The following RASA1 variants were observed in gnomAD, a reference collection of about 807,000 sequenced individuals.
RASA1 encodes the protein ras GTPase-activating protein 1.
A neutral mutation model predicts 132.2 loss-of-function variants in RASA1; 25 were observed. The ratio of observed to expected loss-of-function variants is 0.19; its 90% confidence interval spans 0.14 to 0.26. The LOEUF is 0.26. RASA1 is among the 10% of genes least tolerant of loss of function. The pLI is 1.00. For synonymous variants in RASA1, 477 were observed against 449.9 expected (o/e 1.06, Z -0.76); for missense variants, 964 against 1,299.2 (o/e 0.74, Z 3.97).
At position 87,385,288 on chromosome 5, in the gene RASA1, A is replaced by G. The variant is rs1761990605; in HGVS notation, c.2759-13A>G. 1.4e-5 allele frequency: 22 copies of G among 1,573,276 alleles called. No individual in the cohort carries two copies. Among genetic ancestry groups the G allele is most frequent in the Non-Finnish European group, 1.8e-5 (21 of 1,143,534 alleles). The stretch of plus-strand genomic sequence containing the variant: ...GGACTTGGTGTCATTAGCTGTGCCC[A>G]ATTCTGTTACAGATTCTCCATCTCC... On this transcript the variant is annotated splice_polypyrimidine_tract_variant and intron_variant, in intron 21 of 24. Coordinates refer to ENST00000274376, the MANE Select transcript of RASA1 (RefSeq NM_002890.3).
chr5:87,297,910 C>T (rs1318289706), intron 1 of RASA1, among the ~76,000 whole-genome samples: 1 of 152,068 alleles, frequency 6.6e-6, no homozygotes, highest in East Asian at 1.9e-4. Context: ...CACTGGTTCC[C>T]AAGGAAGTTT....
In RASA1 at chr5:87,391,656, A is replaced by T. The variant is rs1293713945; in HGVS notation, c.*773A>T. The T allele has an allele frequency of 4.3e-6, 1 of 233,050 alleles. No homozygotes were observed. Among genetic ancestry groups the T allele is most frequent in the African/African-American group, 2.2e-5 (1 of 45,292 alleles). The allele number at this position is 233,050 out of a possible 1,614,324, so 14.4% of individuals were successfully genotyped here. Reference sequence around the variant, plus strand: ...ATTGATCAATGCATGTTACCCATTCAACCATTTTATAGACTACCAATTTCT... The same window carrying T: ...ATTGATCAATGCATGTTACCCATTCTACCATTTTATAGACTACCAATTTCT... On this transcript the variant is annotated 3_prime_UTR_variant, in exon 25 of 25. Transcript: ENST00000274376.
At chr5:87,301,945 T>A (rs939800266) in intron 1 of RASA1, among the ~76,000 whole-genome samples, 10 of 152,168 alleles carry the variant, frequency 6.6e-5, no homozygotes, top group Non-Finnish European at 1.2e-4. Flanking sequence ...TTTCTACTAG[T>A]GATGGACATG....
intron 1 of RASA1, among the ~76,000 whole-genome samples, chr5:87,315,308 A>G (rs778463386): frequency 9.2e-5 from 14 of 152,222 alleles, no homozygotes; most frequent in Non-Finnish European, 1.9e-4. Context: ...TTCTAGCTAC[A>G]TAATAACAAA....
Position 87,268,254 on chromosome 5 carries a change from G to A in RASA1, c.-198G>A. ...GGGTTTTTTGCCCACTTGGCTTCCCGTAACCCAGGCAGCTGGGGAGCCTGG... is the reference window on the plus strand; with the variant it reads ...GGGTTTTTTGCCCACTTGGCTTCCCATAACCCAGGCAGCTGGGGAGCCTGG... On this transcript the variant is annotated 5_prime_UTR_variant, in exon 1 of 25. Coordinates refer to ENST00000274376, the MANE Select transcript of RASA1 (RefSeq NM_002890.3). 1.3e-6 allele frequency: 1 copy of A among 796,876 alleles called. No individual in the cohort carries two copies. The highest frequency in any genetic ancestry group is 1.9e-6 in the Non-Finnish European group (1 of 526,714). 49.4% of individuals were successfully genotyped at this position (796,876 alleles called of 1,614,324 possible).
At position 87,268,817 on chromosome 5, in the gene RASA1, G is replaced by C; in HGVS notation, c.366G>C (p.Ser122=). 3 of 1,614,106 alleles carry C rather than the reference G, an allele frequency of 1.9e-6. No homozygotes were observed. Among genetic ancestry groups the C allele is most frequent in the Non-Finnish European group, 2.5e-6 (3 of 1,180,032 alleles). ...GDMALTKLPT[S]LLAETLGPGG... ...TGGCTCTCACCAAACTGCCCACTTC[G>C]TTGCTTGCTGAGACTCTCGGGCCAG... is the stretch of plus-strand genomic sequence containing the variant. Residue 122 remains serine, a synonymous_variant, in exon 1 of 25, where the codon TCG becomes TCC. Coordinates refer to ENST00000274376, the MANE Select transcript of RASA1 (RefSeq NM_002890.3).
chr5:87,298,709 G>T (rs1755227810), intron 1 of RASA1, among the ~76,000 whole-genome samples: 1 of 152,064 alleles, frequency 6.6e-6, no homozygotes, highest in Non-Finnish European at 1.5e-5. Flanking sequence ...TTTTACCCTA[G>T]TGTATTTGAA....
At chr5:87,289,916 G>A (rs762889353) in intron 1 of RASA1, among the ~76,000 whole-genome samples, 9 of 151,810 alleles carry the variant, frequency 5.9e-5, no homozygotes, top group Non-Finnish European at 1.3e-4. Flanking sequence ...GCTTAATTTT[G>A]TTGTTGTTGT....
At chr5:87,354,323 T>C (rs375325239) in intron 9 of RASA1, among the ~76,000 whole-genome samples, 3 of 152,144 alleles carry the variant, frequency 2.0e-5, no homozygotes, top group African/African-American at 7.2e-5. Context: ...TGCGACTGTT[T>C]TTCCAAAGCA....
At chr5:87,330,374 G>C (rs1025563158) in intron 1 of RASA1, among the ~76,000 whole-genome samples, 1 of 151,990 alleles carries the variant, frequency 6.6e-6, no homozygotes, top group East Asian at 1.9e-4. Flanking sequence ...CTTTGGTAAA[G>C]CTGAAGTACT....
chr5:87,299,560 C>T (rs1231993710), intron 1 of RASA1: 1 of 151,994 alleles, frequency 6.6e-6, no homozygotes, highest in African/African-American at 2.4e-5. Flanking sequence ...AGGTACACAA[C>T]ATAATGTTTT....
At chr5:87,338,924 C>G (rs75917949) in intron 5 of RASA1, among the ~76,000 whole-genome samples, 10 of 152,016 alleles carry the variant, frequency 6.6e-5, no homozygotes, top group Admixed American at 6.6e-4. Flanking sequence ...ATCATGGTAT[C>G]AATTACCAGG....
chr5:87,384,924 G>C (rs1488981032), intron 21 of RASA1, among the ~76,000 whole-genome samples: 1 of 152,090 alleles, frequency 6.6e-6, no homozygotes, highest in Non-Finnish European at 1.5e-5. Context: ...TTGCTAACCT[G>C]AGTAGGTTGA....
chr5:87,344,462 A>G (rs1208874817), intron 6 of RASA1, among the ~76,000 whole-genome samples: 3 of 152,112 alleles, frequency 2.0e-5, no homozygotes, highest in African/African-American at 7.2e-5. Flanking sequence ...AGCACTTATC[A>G]TCTGTAGTTT....
chr5:87,349,173 A>T (rs1319795066), intron 7 of RASA1, 41 bp from the exon 8 acceptor site: 1 of 1,602,042 alleles, frequency 6.2e-7, no homozygotes, highest in Middle Eastern at 1.7e-4. Flanking sequence ...TTTCTTTTTT[A>T]TTTGATAATT....
intron 1 of RASA1, among the ~76,000 whole-genome samples, chr5:87,306,238 C>T (rs1755603651): frequency 6.6e-6 from 1 of 152,098 alleles, no homozygotes; most frequent in Admixed American, 6.5e-5. Flanking sequence ...CAATAATAGA[C>T]TGGATAAAGA....
At chr5:87,281,916 G>A (rs1476615793) in intron 1 of RASA1, among the ~76,000 whole-genome samples, 8 of 152,092 alleles carry the variant, frequency 5.3e-5, no homozygotes, top group Middle Eastern at 3.4e-3. Flanking sequence ...TTTTGTTTTC[G>A]TAGGAGTTCT....
intron 11 of RASA1, among the ~76,000 whole-genome samples, chr5:87,365,030 A>C (rs1469769100): frequency 1.3e-5 from 2 of 152,172 alleles, no homozygotes; most frequent in Non-Finnish European, 2.9e-5. Flanking sequence ...TATTATCGTG[A>C]AAACAGTTAA....
intron 1 of RASA1, among the ~76,000 whole-genome samples, chr5:87,278,909 C>CTTTTTTTTTTTTTTTTTGTTTT (rs1754187442): frequency 1.2e-5 from 1 of 83,998 alleles, no homozygotes; most frequent in Non-Finnish European, 2.2e-5. Flanking sequence ...CTAATTTGTT[C>CTTTTTTTTTTTTTTTTTGTTTT]TTTTTTTTTT....
Sources: gnomAD v4.1 joint callset for allele counts (sites outside exome capture counted in the v4.1 genomes callset) on GRCh38, gnomAD v4.1.1 for gene constraint, MANE v1.5 for transcripts, NCBI Gene and HGNC (gene_info 2026-07-23, HGNC 2026-07-21) for gene names.